The following ADGRV1 variants were observed in gnomAD, a reference collection of about 807,000 sequenced individuals.
The protein encoded by ADGRV1 is adhesion G protein-coupled receptor V1.
ADGRV1 carries 359 observed loss-of-function variants against 596.2 expected under a neutral mutation model. The observed-to-expected ratio is 0.60, with a 90% confidence interval of 0.55 to 0.66. ADGRV1 has a LOEUF of 0.66. ADGRV1 is among the 30% of genes least tolerant of loss of function. The pLI, the probability that ADGRV1 is intolerant of heterozygous loss-of-function variation, is 0.00. For missense variants in ADGRV1, 7,274 were observed against 7,575.6 expected (o/e 0.96, Z 1.48); for synonymous variants, 2,681 against 2,679.2 (o/e 1.00, Z -0.02).
intron 87 of ADGRV1, among the ~76,000 whole-genome samples, chr5:91,119,768 G>A (rs2973445): frequency 0.13 from 19,248 of 152,144 alleles, 1,396 homozygotes; most frequent in African/African-American, 0.21. Flanking sequence ...CCATTGGCAT[G>A]ACTTTGTATC....
chr5:90,725,292 G>A (rs1195519039), intron 47 of ADGRV1, 60 bp downstream of exon 47: 2 of 1,099,898 alleles, frequency 1.8e-6, no homozygotes, highest in Admixed American at 6.8e-5. Flanking sequence ...AGATTTGTAA[G>A]ATTGTTCAAA....
chr5:90,729,436 G>A (rs992630121), intron 49 of ADGRV1, among the ~76,000 whole-genome samples: 1 of 152,066 alleles, frequency 6.6e-6, no homozygotes, highest in African/African-American at 2.4e-5. Context: ...ATTATATCAT[G>A]GTTAATGACT....
intron 16 of ADGRV1, among the ~76,000 whole-genome samples, chr5:90,646,673 C>T (rs918092338): frequency 1.3e-5 from 2 of 151,776 alleles, no homozygotes; most frequent in African/African-American, 4.8e-5. Context: ...TTTCTTGAAT[C>T]CTTGTTGTCA....
At chr5:90,702,769 CTA>C (rs1748071515) in intron 34 of ADGRV1, among the ~76,000 whole-genome samples, 1 of 151,910 alleles carries the variant, frequency 6.6e-6, no homozygotes, top group Non-Finnish European at 1.5e-5. Flanking sequence ...TGGTTTTTAA[CTA>C]TATGTCTATG....
At chr5:90,595,369 CGGCTGGCCGGGTGGGG>C (rs1760229571) in intron 1 of ADGRV1, among the ~76,000 whole-genome samples, 1 of 43,484 alleles carries the variant, frequency 2.3e-5, no homozygotes, top group Admixed American at 1.7e-4. Context: ...CCGGACGGGG[CGGCTGGCCGGGTGGGG>C]GGCTGACCCC....
intron 64 of ADGRV1, 58 bp downstream of exon 64, chr5:90,779,155 G>C: frequency 2.0e-5 from 20 of 996,198 alleles, no homozygotes; most frequent in Non-Finnish European, 2.8e-5. Flanking sequence ...AAGAGAGAAA[G>C]TTCTATTGTG....
chr5:90,788,290 G>T lies in ADGRV1; in HGVS notation c.13873G>T (p.Ala4625Ser), dbSNP rs1223877921. 1 of 1,612,174 alleles carries T rather than the reference G, an allele frequency of 6.2e-7. No homozygotes were observed. Among genetic ancestry groups the T allele is most frequent in the East Asian group, 2.2e-5 (1 of 44,840 alleles). The change falls in exon 68 of 90, where the codon GCT becomes TCT. Residue 4625 changes from alanine to serine, a missense_variant. Transcript: ENST00000405460. ...VKGEAKLDSR[A>S]KDVTLTIQEF... ...AGGAGAAGCTAAATTAGACTCCAGA[G>T]CTAAAGATGTTACATTAACCGTATG...
At chr5:90,622,042 C>G (rs1233024664) in intron 4 of ADGRV1, among the ~76,000 whole-genome samples, 1 of 152,156 alleles carries the variant, frequency 6.6e-6, no homozygotes, top group Admixed American at 6.5e-5. Flanking sequence ...TGGCTGTGTC[C>G]GTGTTCCTCC....
At chr5:90,943,565 C>A (rs555900302) in intron 83 of ADGRV1, among the ~76,000 whole-genome samples, 1 of 152,212 alleles carries the variant, frequency 6.6e-6, no homozygotes, top group Middle Eastern at 3.4e-3. Context: ...TAAAGTGGAG[C>A]TTCTATCAGT....
chr5:90,857,413 A>G (rs1280328578), intron 82 of ADGRV1, among the ~76,000 whole-genome samples: 2 of 152,144 alleles, frequency 1.3e-5, no homozygotes, highest in African/African-American at 2.4e-5. Context: ...AGTTTTAAAA[A>G]CTAAAGAGAG....
At chr5:90,593,103 T>C (rs1195734313) in intron 1 of ADGRV1, among the ~76,000 whole-genome samples, 1 of 152,200 alleles carries the variant, frequency 6.6e-6, no homozygotes, top group Non-Finnish European at 1.5e-5. Flanking sequence ...ACTTGGTTTA[T>C]ACCCAAAGGA....
At chr5:90,950,106 A>G (rs138371270) in intron 83 of ADGRV1, among the ~76,000 whole-genome samples, 1 of 152,294 alleles carries the variant, frequency 6.6e-6, no homozygotes, top group Non-Finnish European at 1.5e-5. Context: ...TGTAGTAATG[A>G]ACAGACTTTA....
intron 85 of ADGRV1, among the ~76,000 whole-genome samples, chr5:90,987,592 A>C (rs780499515): frequency 2.0e-5 from 3 of 152,034 alleles, no homozygotes; most frequent in African/African-American, 4.8e-5. Flanking sequence ...ATTCTAGCTT[A>C]TAAAAATTCT....
chr5:91,078,648 C>A (rs1263118900), intron 86 of ADGRV1, among the ~76,000 whole-genome samples: 3 of 152,178 alleles, frequency 2.0e-5, no homozygotes. Context: ...GTGGTAGAAA[C>A]CCCACGCTGG....
Position 90,847,260 on chromosome 5 carries a change from C to T in ADGRV1, c.17020-1377C>T, listed in dbSNP as rs568202638. On this transcript the variant is annotated intron_variant, in intron 78 of 89. Coordinates refer to ENST00000405460, the MANE Select transcript of ADGRV1 (RefSeq NM_032119.4). Reference sequence around the variant, plus strand: ...ATCCCTTAGCTAGACATAAAGATCTCCAAGTCCCCACCAGATTAACTAGAT... The same window carrying T: ...ATCCCTTAGCTAGACATAAAGATCTTCAAGTCCCCACCAGATTAACTAGAT... Among the ~76,000 whole-genome samples, 6 of 151,124 alleles carry T rather than the reference C, an allele frequency of 4.0e-5. No individual in the cohort carries two copies. The East Asian group carries it at 1.2e-3, about 30-fold the overall frequency.
At chr5:90,868,676 G>A (rs1252701894) in intron 83 of ADGRV1, among the ~76,000 whole-genome samples, 1 of 132,500 alleles carries the variant, frequency 7.5e-6, no homozygotes, top group Admixed American at 8.0e-5. Flanking sequence ...ACAATTAACT[G>A]TATTTAAATG....
At chr5:91,160,587 A>G (rs747952120) in intron 89 of ADGRV1, among the ~76,000 whole-genome samples, 4 of 152,206 alleles carry the variant, frequency 2.6e-5, no homozygotes, top group Admixed American at 2.0e-4. Context: ...TGCCTGTTCT[A>G]TTGACCAAAG....
intron 85 of ADGRV1, among the ~76,000 whole-genome samples, chr5:91,052,130 G>A (rs1468950132): frequency 1.3e-5 from 2 of 151,632 alleles, no homozygotes; most frequent in Non-Finnish European, 2.9e-5. Context: ...AGTTAATCTA[G>A]AGGCAGTGCT....
intron 68 of ADGRV1, 44 bp downstream of exon 68, chr5:90,788,354 AT>A: frequency 6.5e-7 from 1 of 1,529,980 alleles, no homozygotes. Context: ...GATTTCATGG[AT>A]TTATCAGAAA....
Sources: allele counts gnomAD v4.1 joint callset (sites outside exome capture counted in the v4.1 genomes callset), GRCh38; gene constraint gnomAD v4.1.1; transcripts MANE v1.5; gene names NCBI Gene and HGNC (gene_info 2026-07-23, HGNC 2026-07-21).